Variants in TJP1 observed in about 807,000 individuals in gnomAD.
The protein encoded by TJP1 is tight junction protein 1, also known as tight junction protein ZO-1.
In TJP1, 43 loss-of-function variants were observed where a neutral mutation model predicts 194.2. The ratio of observed to expected loss-of-function variants is 0.22; its 90% CI spans 0.17 to 0.29. TJP1 has a LOEUF of 0.29. Ranked by LOEUF, TJP1 falls within the 10% of genes least tolerant of loss-of-function variation. The pLI, the probability that TJP1 is intolerant of heterozygous loss-of-function variation, is 1.00. For synonymous variants in TJP1, 801 were observed against 779.0 expected (o/e 1.03, Z -0.47); for missense variants, 1,971 against 2,185.7 (o/e 0.90, Z 1.96).
In TJP1 at chr15:29,808,801, T is replaced by C. The variant is rs542858582; in HGVS notation, c.28-8099A>G. ...ATAAAAATTGAATATCATCATTTTGTAACACCTAGTGAATTAAGGGATCTA... is the reference window on the plus strand; with the variant it reads ...ATAAAAATTGAATATCATCATTTTGCAACACCTAGTGAATTAAGGGATCTA... On this transcript the variant is annotated intron_variant, in intron 1 of 27. Coordinates refer to ENST00000614355, the MANE Select transcript of TJP1 (RefSeq NM_001330239.4). 2.2e-5 allele frequency among the ~76,000 whole-genome samples: 3 copies of C among 137,592 alleles called. No homozygotes were observed. In the South Asian group the frequency reaches 7.2e-4, roughly 33 times the overall value. 90.3% of individuals were successfully genotyped at this position (137,592 alleles called of 152,430 possible).
intron 2 of TJP1, among the ~76,000 whole-genome samples, chr15:29,774,183 A>G (rs1467504507): frequency 1.3e-5 from 2 of 152,204 alleles, no homozygotes; most frequent in African/African-American, 4.8e-5. Context: ...TGTACAATTC[A>G]AACTGCCTGA....
chr15:29,749,397 G>T (rs1949801357), intron 8 of TJP1, among the ~76,000 whole-genome samples: 1 of 152,150 alleles, frequency 6.6e-6, no homozygotes, highest in East Asian at 1.9e-4. Context: ...GATTAGCAAG[G>T]AGTAACATGC....
At chr15:29,735,844 G>A (rs1297672887) in intron 11 of TJP1, among the ~76,000 whole-genome samples, 1 of 152,116 alleles carries the variant, frequency 6.6e-6, no homozygotes, top group Non-Finnish European at 1.5e-5. Context: ...TTTTTGACAT[G>A]CTAAGTTTGA....
chr15:29,817,995 A>T (rs988513358), intron 1 of TJP1, among the ~76,000 whole-genome samples: 1 of 151,898 alleles, frequency 6.6e-6, no homozygotes, highest in Non-Finnish European at 1.5e-5. Flanking sequence ...CTGCACATGG[A>T]TCCCAGAACT....
In TJP1 at chr15:29,707,412, G is replaced by A. The variant is rs779519178; in HGVS notation, c.4850+1147C>T. Among the ~76,000 whole-genome samples, 25 of 152,306 alleles carry A rather than the reference G, an allele frequency of 1.6e-4. 1 individual carries two copies. The Middle Eastern group carries it at 0.014, about 83-fold the overall frequency. ...CGACACAACATCAAGGGAGCAGAGC[G>A]CAGCCTGAGCTGCAGAGCAGAGGCC... On this transcript the variant is annotated intron_variant, in intron 25 of 27. Transcript: ENST00000614355.
chr15:29,952,688 CA>C (rs371405787), intron 2 of TJP1, among the ~76,000 whole-genome samples: 1,577 of 152,216 alleles, frequency 0.01, 11 homozygotes, highest in South Asian at 0.021. Flanking sequence ...GTTAGTTATA[CA>C]AATTTGATAT....
At chr15:29,869,195 G>C (rs2052408020) in intron 2 of TJP1, among the ~76,000 whole-genome samples, 1 of 152,200 alleles carries the variant, frequency 6.6e-6, no homozygotes, top group African/African-American at 2.4e-5. Context: ...GAGAAAGCGA[G>C]GGTGAACAGC....
chr15:29,957,477 A>G (rs12907133), intron 1 of TJP1, among the ~76,000 whole-genome samples: 26,275 of 152,136 alleles, frequency 0.17, 3,090 homozygotes, highest in East Asian at 0.49. Context: ...TTATATACAG[A>G]TGTGTTTATT....
At chr15:29,707,608 G>C (rs565395986) in intron 25 of TJP1, among the ~76,000 whole-genome samples, 1 of 152,278 alleles carries the variant, frequency 6.6e-6, no homozygotes, top group South Asian at 2.1e-4. Context: ...CTGGCTGTAG[G>C]AGGCTGAGAT....
chr15:29,752,835 T>C (rs2045376637), intron 8 of TJP1, among the ~76,000 whole-genome samples: 1 of 152,196 alleles, frequency 6.6e-6, no homozygotes, highest in African/African-American at 2.4e-5. Flanking sequence ...ACTTCTTGGA[T>C]CTCCAAATCA....
intron 1 of TJP1, among the ~76,000 whole-genome samples, chr15:29,961,252 C>T (rs908873598): frequency 6.0e-5 from 9 of 151,042 alleles, no homozygotes; most frequent in African/African-American, 1.9e-4. Flanking sequence ...GGGAATGGCC[C>T]TTTATGACAG....
chr15:29,850,353 C>T (rs1018697667), intron 2 of TJP1, among the ~76,000 whole-genome samples: 4 of 152,116 alleles, frequency 2.6e-5, no homozygotes, highest in East Asian at 1.9e-4. Context: ...TTGTTTGATA[C>T]GGAGTCTCAC....
chr15:29,726,532 G>C, intron 17 of TJP1, 53 bp from the exon 18 acceptor site: 1 of 1,531,088 alleles, frequency 6.5e-7, no homozygotes, highest in Non-Finnish European at 9.0e-7. Context: ...CCAAAAGTCA[G>C]AATTAATTCA....
intron 27 of TJP1, among the ~76,000 whole-genome samples, chr15:29,703,744 G>A (rs1480781104): frequency 6.6e-6 from 1 of 151,998 alleles, no homozygotes; most frequent in Non-Finnish European, 1.5e-5. Flanking sequence ...CCTGGCTCAA[G>A]CAATTCTCCT....
At chr15:29,819,074 ACTT>A (rs1050748992) in intron 1 of TJP1, among the ~76,000 whole-genome samples, 2 of 152,128 alleles carry the variant, frequency 1.3e-5, no homozygotes, top group Non-Finnish European at 2.9e-5. Context: ...CGCCTTTATT[ACTT>A]CTTTAGTATC....
chr15:29,885,366 T>C (rs1055011736), intron 2 of TJP1, among the ~76,000 whole-genome samples: 1 of 152,154 alleles, frequency 6.6e-6, no homozygotes, highest in African/African-American at 2.4e-5. Context: ...AGGGAACACA[T>C]GGAGATAGTA....
Position 29,762,447 on chromosome 15 carries a change from A to G in TJP1, c.590-9T>C. 1 of 1,606,092 alleles carries G rather than the reference A, an allele frequency of 6.2e-7. No individual in the cohort carries two copies. Among genetic ancestry groups the G allele is most frequent in the South Asian group, 1.1e-5 (1 of 90,666 alleles). On this transcript the variant is annotated splice_polypyrimidine_tract_variant and intron_variant, in intron 5 of 27. Coordinates refer to ENST00000614355, the MANE Select transcript of TJP1 (RefSeq NM_001330239.4). Reference sequence around the variant, plus strand: ...CAATCGAAGACCATATTCTGAAATAATGTAAGTAAGTGTTTTTAGTATAAC... The same window carrying G: ...CAATCGAAGACCATATTCTGAAATAGTGTAAGTAAGTGTTTTTAGTATAAC...
Position 29,833,857 on chromosome 15 carries a change from G to GTATATATATATATATATATA in TJP1, c.307-33175_307-33156dup, listed in dbSNP as rs71416436. Among the ~76,000 whole-genome samples the GTATATATATATATATATATA allele has an allele frequency of 6.2e-4, 16 of 25,852 alleles. 1 individual carries two copies. The highest frequency in any genetic ancestry group is 2.0e-3 in the South Asian group (1 of 508). The allele number at this position is 25,852 out of a possible 152,430, so 17.0% of individuals were successfully genotyped here. A position where few individuals can be genotyped will look rare whatever the true frequency, so the allele number is the denominator to read the frequency against. On this transcript the variant is annotated intron_variant, in intron 2 of 28. Coordinates refer to the TJP1 transcript ENST00000356107. Reference sequence around the variant, plus strand: ...TAAAGATGCAATATAATTTTTGTAAGTATATATATATATATATATATATAT... The same window carrying GTATATATATATATATATATA: ...TAAAGATGCAATATAATTTTTGTAAGTATATATATATATATATATATATATATATATATATATATATATAT...
chr15:29,807,684 G>A (rs12595372), intron 1 of TJP1, among the ~76,000 whole-genome samples: 150,693 of 152,298 alleles, frequency 0.99, 74,574 homozygotes, highest in Middle Eastern at 1. Flanking sequence ...ACAGAATAAA[G>A]ACAGTAACAA....
Sources: gnomAD v4.1 joint callset for allele counts (sites outside exome capture counted in the v4.1 genomes callset) on GRCh38, gnomAD v4.1.1 for gene constraint, MANE v1.5 for transcripts, NCBI Gene and HGNC (gene_info 2026-07-23, HGNC 2026-07-21) for gene names.